The following KIF16B variants were observed in gnomAD, a reference collection of about 807,000 sequenced individuals.
KIF16B encodes the protein kinesin family member 16B, also known as kinesin-like protein KIF16B.
KIF16B carries 98 observed loss-of-function variants against 156.3 expected under a neutral mutation model. The observed-to-expected ratio is 0.63, with a 90% confidence interval of 0.53 to 0.74. The LOEUF (loss-of-function observed/expected upper bound fraction) is 0.74. KIF16B is among the 30% of genes least tolerant of loss of function. KIF16B has a pLI of 0.00. For missense variants in KIF16B, 1,421 were observed against 1,606.5 expected (o/e 0.88, Z 1.97); for synonymous variants, 564 against 583.7 (o/e 0.97, Z 0.49).
At chr20:16,573,126 C>T in intron 1 of KIF16B, 103 bp downstream of exon 1, 1 of 1,177,342 alleles carries the variant, frequency 8.5e-7, no homozygotes, top group Middle Eastern at 2.1e-4. Flanking sequence ...CAGGGACCAG[C>T]CGGTGACACT....
rs746094585 is a variant in KIF16B at position 16,367,754 on chromosome 20, G to T, written c.3498+2832C>A. The T allele has an allele frequency of 4.3e-6, 7 of 1,612,510 alleles. No individual in the cohort carries two copies. The South Asian group carries it at 6.6e-5, about 15-fold the overall frequency. The stretch of plus-strand genomic sequence containing the variant: ...AGAGAAAGCTGAACCAGATCTTGCT[G>T]GAGCAAGGGATGATTAGCGCAGGCA... On this transcript the variant is annotated intron_variant, in intron 22 of 25. Coordinates refer to ENST00000354981, the MANE Select transcript of KIF16B (RefSeq NM_024704.5).
At chr20:16,425,299 T>C (rs935147840) in intron 15 of KIF16B, among the ~76,000 whole-genome samples, 1 of 152,090 alleles carries the variant, frequency 6.6e-6, no homozygotes, top group African/African-American at 2.4e-5. Context: ...CAATTTGATA[T>C]TGAAATAAAT....
At chr20:16,366,730 A>G (rs769435987) in intron 22 of KIF16B, 4 of 524,840 alleles carry the variant, frequency 7.6e-6, no homozygotes, top group Non-Finnish European at 9.8e-6. Context: ...AAGGATGTCA[A>G]TGAAGGTCAC....
At chr20:16,273,876 T>C (rs898761918) in intron 25 of KIF16B, among the ~76,000 whole-genome samples, 14 of 152,076 alleles carry the variant, frequency 9.2e-5, no homozygotes, top group Admixed American at 5.2e-4. Context: ...AAAATACATA[T>C]GCACAGAAGA....
At position 16,272,177 on chromosome 20, in the gene KIF16B, A is replaced by T. The variant is rs17657892; in HGVS notation, c.*1076T>A. The T allele has an allele frequency of 0.15, 23,366 of 152,622 alleles. 1,865 individuals carry two copies. The highest frequency in any genetic ancestry group is 0.17 in the Non-Finnish European group (11,829 of 67,988). The allele number at this position is 152,622 out of a possible 1,614,324, so 9.5% of individuals were successfully genotyped here. On this transcript the variant is annotated 3_prime_UTR_variant, in exon 26 of 26. Coordinates refer to ENST00000354981, the MANE Select transcript of KIF16B (RefSeq NM_024704.5). ...TGAAAAAGCAAATACATTTAATAAA[A>T]TTGGTGTGAATTATTACATATTTTG...
intron 1 of KIF16B, among the ~76,000 whole-genome samples, chr20:16,554,301 G>A (rs912577179): frequency 6.6e-6 from 1 of 152,126 alleles, no homozygotes; most frequent in Non-Finnish European, 1.5e-5. Context: ...AGCCAGACTC[G>A]AAAAGACAAT....
chr20:16,276,481 G>A (rs1468794864), intron 25 of KIF16B, among the ~76,000 whole-genome samples: 5 of 152,132 alleles, frequency 3.3e-5, no homozygotes, highest in African/African-American at 7.2e-5. Flanking sequence ...TTTTCTCTTC[G>A]CAAAACAAAT....
At chr20:16,331,392 T>A (rs545994924) in intron 24 of KIF16B, among the ~76,000 whole-genome samples, 5 of 152,180 alleles carry the variant, frequency 3.3e-5, no homozygotes, top group Non-Finnish European at 1.5e-5. Context: ...TTAGACAAAG[T>A]TCCAAAAGAC....
At chr20:16,360,780 G>A (rs1222852931) in intron 22 of KIF16B, among the ~76,000 whole-genome samples, 1 of 152,114 alleles carries the variant, frequency 6.6e-6, no homozygotes, top group South Asian at 2.1e-4. Context: ...GAAAGAAATA[G>A]GCAGAACATA....
chr20:16,479,228 C>T (rs777413021), intron 12 of KIF16B, among the ~76,000 whole-genome samples: 4 of 152,162 alleles, frequency 2.6e-5, no homozygotes, highest in Non-Finnish European at 5.9e-5. Flanking sequence ...AGCTGGAAGC[C>T]ATTATTCTCA....
intron 12 of KIF16B, among the ~76,000 whole-genome samples, chr20:16,492,517 TA>T (rs1187199373): frequency 2.0e-5 from 3 of 152,172 alleles, no homozygotes; most frequent in African/African-American, 7.2e-5. Flanking sequence ...TGAAAAGTCA[TA>T]AAAAAGAAAA....
At chr20:16,388,899 G>GT (rs1052112724) in intron 17 of KIF16B, among the ~76,000 whole-genome samples, 18 of 152,080 alleles carry the variant, frequency 1.2e-4, no homozygotes, top group African/African-American at 4.1e-4. Flanking sequence ...CTATGATGTC[G>GT]TTTCAGTTTC....
intron 25 of KIF16B, among the ~76,000 whole-genome samples, chr20:16,295,425 C>CTA (rs2063370733): frequency 6.6e-6 from 1 of 151,586 alleles, no homozygotes; most frequent in African/African-American, 2.4e-5. Flanking sequence ...TAATTGATAT[C>CTA]TATACACATC....
intron 1 of KIF16B, among the ~76,000 whole-genome samples, chr20:16,539,285 A>G (rs576202586): frequency 6.6e-5 from 10 of 152,338 alleles, no homozygotes; most frequent in African/African-American, 2.4e-4. Context: ...AGACTGGTTA[A>G]ATAGTTGTGA....
intron 19 of KIF16B, among the ~76,000 whole-genome samples, chr20:16,374,716 G>A (rs1355467868): frequency 1.3e-5 from 2 of 152,172 alleles, no homozygotes; most frequent in Non-Finnish European, 2.9e-5. Flanking sequence ...GGATTCTGAG[G>A]CCTCTAACTG....
chr20:16,496,734 A>G (rs1365075867), intron 11 of KIF16B, among the ~76,000 whole-genome samples: 1 of 152,220 alleles, frequency 6.6e-6, no homozygotes, highest in African/African-American at 2.4e-5. Context: ...TCAAAATTAG[A>G]ATTTGAAGCA....
chr20:16,507,725 G>C (rs546641446), intron 7 of KIF16B, among the ~76,000 whole-genome samples: 3 of 152,292 alleles, frequency 2.0e-5, no homozygotes, highest in Admixed American at 6.5e-5. Flanking sequence ...CAGGGTGGAA[G>C]CCTTCTAAGT....
At chr20:16,551,250 C>A (rs1453501676) in intron 1 of KIF16B, among the ~76,000 whole-genome samples, 16 of 152,028 alleles carry the variant, frequency 1.1e-4, no homozygotes, top group Admixed American at 1.0e-3. Flanking sequence ...CCTGCCTCAG[C>A]CTCCTAAGTA....
chr20:16,321,700 G>A (rs180843201), intron 24 of KIF16B, among the ~76,000 whole-genome samples: 4 of 152,092 alleles, frequency 2.6e-5, no homozygotes, highest in Admixed American at 2.6e-4. Flanking sequence ...AGGCTCAGAT[G>A]TGCAGAAGGA....
Sources: gnomAD v4.1 joint callset for allele counts (sites outside exome capture counted in the v4.1 genomes callset) on GRCh38, gnomAD v4.1.1 for gene constraint, MANE v1.5 for transcripts, NCBI Gene and HGNC (gene_info 2026-07-23, HGNC 2026-07-21) for gene names.